PTPN11: variants seen among roughly 807,000 people sequenced by gnomAD.
PTPN11 encodes the protein protein tyrosine phosphatase non-receptor type 11.
Under a neutral mutation model 78.8 loss-of-function variants are expected in PTPN11, and 6 were observed. The ratio of observed to expected loss-of-function variants is 0.08; its 90% CI spans 0.04 to 0.15. The LOEUF (loss-of-function observed/expected upper bound fraction) is 0.15, where lower values mean the gene tolerates loss of function less well. PTPN11 is among the 10% of genes least tolerant of loss of function. The probability of loss-of-function intolerance (pLI) is 1.00; values close to 1 mark genes in which losing one functional copy is unlikely to be tolerated. For synonymous variants in PTPN11, 221 were observed against 263.5 expected (o/e 0.84, Z 1.56); for missense variants, 386 against 744.8 (o/e 0.52, Z 5.61).
chr12:112,472,720 C>T (rs192052742), intron 6 of PTPN11, among the ~76,000 whole-genome samples: 15 of 152,170 alleles, frequency 9.9e-5, no homozygotes, highest in Admixed American at 7.9e-4. Context: ...AGGCTGGTTT[C>T]GAACTCCTGC....
chr12:112,482,339 T>C lies in PTPN11; in HGVS notation c.1224+134T>C. On this transcript the variant is annotated intron_variant, in intron 10 of 15. Coordinates refer to ENST00000351677, the MANE Select transcript of PTPN11 (RefSeq NM_002834.5). The surrounding 1 kb of genome is among the most constrained non-coding windows in gnomAD (Gnocchi z 4.4). ...ATTGATTCAGTAGCCATTTATTAGCTTCCTTCTATGTGCCAGGTACAGTTT... is the reference window on the plus strand; with the variant it reads ...ATTGATTCAGTAGCCATTTATTAGCCTCCTTCTATGTGCCAGGTACAGTTT... 9.5e-7 allele frequency: 1 copy of C among 1,050,400 alleles called. No individual in the cohort carries two copies. The highest frequency in any genetic ancestry group is 1.4e-6 in the Non-Finnish European group (1 of 692,924). The allele number at this position is 1,050,400 out of a possible 1,614,324, so 65.1% of individuals were successfully genotyped here.
chr12:112,451,065 A>C (rs1189031139), intron 3 of PTPN11, among the ~76,000 whole-genome samples: 2 of 152,186 alleles, frequency 1.3e-5, no homozygotes, highest in Admixed American at 6.6e-5. Context: ...CTGTGTTGGA[A>C]CTAGGCTGAT....
intron 1 of PTPN11, among the ~76,000 whole-genome samples, chr12:112,426,328 C>T (rs1169387787): frequency 6.6e-6 from 1 of 152,116 alleles, no homozygotes; most frequent in Non-Finnish European, 1.5e-5. Context: ...ACCATCTTGC[C>T]TCACTGCAAC....
intron 1 of PTPN11, among the ~76,000 whole-genome samples, chr12:112,445,812 C>T (rs998807916): frequency 1.3e-5 from 2 of 151,476 alleles, no homozygotes; most frequent in Non-Finnish European, 2.9e-5. Context: ...CAGCTAATTT[C>T]GTATTTTTAG....
At chr12:112,427,640 G>A (rs1023551832) in intron 1 of PTPN11, among the ~76,000 whole-genome samples, 3 of 151,926 alleles carry the variant, frequency 2.0e-5, no homozygotes, top group Admixed American at 1.3e-4. Context: ...GATTGTCAGG[G>A]GCTGGCAGGT....
Position 112,506,946 on chromosome 12 carries a change from TTGATGATGA to T in PTPN11, c.*1193_*1201del, listed in dbSNP as rs80269561. ...ACAGTGTCCCTTCTACTTCCCTCTA[TTGATGATGA>T]TGATGATGATGATGATGATGATGAT... On this transcript the variant is annotated 3_prime_UTR_variant, in exon 16 of 16. Transcript: ENST00000351677. The T allele has an allele frequency of 0.052, 11,226 of 217,220 alleles. 1,539 individuals are homozygous for T. The East Asian group carries it at 0.58, about 11-fold the overall frequency. The allele number at this position is 217,220 out of a possible 1,614,324, so 13.5% of individuals were successfully genotyped here. A position where few individuals can be genotyped will look rare whatever the true frequency, so the allele number is the denominator to read the frequency against.
chr12:112,482,027 T>C lies in PTPN11; in HGVS notation c.1093-47T>C, dbSNP rs1472812160. ...TGTTTGTTGCTTGTTTAGGCTTTTA[T>C]TTCAGAGTTCACAGAATTAACTTTC... On this transcript the variant is annotated intron_variant, in intron 9 of 15. Transcript: ENST00000351677. This position sits in a 1 kb window ranked among gnomAD's most constrained non-coding sequence, Gnocchi z 4.4. The C allele has an allele frequency of 6.6e-7, 1 of 1,521,186 alleles. No homozygotes were observed. Among genetic ancestry groups the C allele is most frequent in the Non-Finnish European group, 9.1e-7 (1 of 1,097,786 alleles). 94.2% of individuals were successfully genotyped at this position (1,521,186 alleles called of 1,614,324 possible). A position where few individuals can be genotyped will look rare whatever the true frequency, so the allele number is the denominator to read the frequency against.
At chr12:112,494,396 A>G in intron 13 of PTPN11, among the ~76,000 whole-genome samples, 1 of 152,206 alleles carries the variant, frequency 6.6e-6, no homozygotes, top group East Asian at 1.9e-4. Flanking sequence ...TTGCAAGCCT[A>G]CTATAAGGAA....
At chr12:112,446,102 A>G (rs140881453) in intron 1 of PTPN11, among the ~76,000 whole-genome samples, 174 bp from the exon 2 acceptor site, 10 of 152,262 alleles carry the variant, frequency 6.6e-5, no homozygotes, top group African/African-American at 2.2e-4. Flanking sequence ...ACCAAGGGAA[A>G]GGCAGGGAGG....
intron 7 of PTPN11, among the ~76,000 whole-genome samples, chr12:112,477,030 C>G (rs1268578210): frequency 1.3e-5 from 2 of 151,936 alleles, no homozygotes; most frequent in Admixed American, 6.6e-5. Flanking sequence ...TCCCCCTCCC[C>G]TTTTCTTTTT....
At chr12:112,477,191 A>G (rs2038518140) in intron 7 of PTPN11, among the ~76,000 whole-genome samples, 1 of 151,920 alleles carries the variant, frequency 6.6e-6, no homozygotes, top group African/African-American at 2.4e-5. Context: ...TAATTTTTGT[A>G]TTTTTAATAG....
chr12:112,451,997 T>A (rs2038085082), intron 3 of PTPN11, among the ~76,000 whole-genome samples: 1 of 151,944 alleles, frequency 6.6e-6, no homozygotes, highest in South Asian at 2.1e-4. Context: ...TGCCTCAGCC[T>A]CCCGAGTAGC....
Position 112,472,927 on chromosome 12 carries a change from CTTTT to C in PTPN11, c.757-16_757-13del, listed in dbSNP as rs1362406801. On this transcript the variant is annotated splice_polypyrimidine_tract_variant and intron_variant, in intron 6 of 15. Transcript: ENST00000351677. ...ACTCTTTGACACGTAATAATATTGA[CTTTT>C]CTTTCTTTCCAGACACTACAACAAC... is the stretch of plus-strand genomic sequence containing the variant. The C allele has an allele frequency of 6.3e-7, 1 of 1,580,280 alleles. No homozygotes were observed. Among genetic ancestry groups the C allele is most frequent in the Admixed American group, 1.7e-5 (1 of 59,938 alleles).
At chr12:112,459,345 C>T (rs1213423845) in intron 6 of PTPN11, among the ~76,000 whole-genome samples, 1 of 151,780 alleles carries the variant, frequency 6.6e-6, no homozygotes. Context: ...ACCTGACACC[C>T]AGCATTAACA....
chr12:112,454,691 T>A lies in PTPN11; in HGVS notation c.642+11T>A. ...CTACAACTCAAGCAGGTGAGCAGAT[T>A]GGAAAGCTCAAGCTTTCTCCTTAAA... On this transcript the variant is annotated intron_variant, in intron 5 of 15. Transcript: ENST00000351677. The A allele has an allele frequency of 6.3e-7, 1 of 1,585,434 alleles. No homozygotes were observed. Among genetic ancestry groups the A allele is most frequent in the African/African-American group, 1.3e-5 (1 of 74,470 alleles).
chr12:112,431,366 G>A (rs1401489558), intron 1 of PTPN11, among the ~76,000 whole-genome samples: 1 of 152,152 alleles, frequency 6.6e-6, no homozygotes, highest in Non-Finnish European at 1.5e-5. Flanking sequence ...CTGCACTCCA[G>A]CCTGGGGGAC....
Position 112,497,049 on chromosome 12 carries a change from G to A in PTPN11, c.1600-5095G>A, listed in dbSNP as rs560324420. The stretch of plus-strand genomic sequence containing the variant: ...TAGCCAGGCGTAGTGGTGTGTGCCT[G>A]TAATCCCAGCTACTCAGGAGGCTGA... On this transcript the variant is annotated intron_variant, in intron 13 of 15. Coordinates refer to ENST00000351677, the MANE Select transcript of PTPN11 (RefSeq NM_002834.5). 3.3e-5 allele frequency among the ~76,000 whole-genome samples: 5 copies of A among 151,962 alleles called. No individual in the cohort carries two copies. The South Asian group carries it at 1.0e-3, about 32-fold the overall frequency.
chr12:112,474,169 T>G (rs1365217818), intron 7 of PTPN11, among the ~76,000 whole-genome samples: 1 of 151,964 alleles, frequency 6.6e-6, no homozygotes, highest in Non-Finnish European at 1.5e-5. Flanking sequence ...GCCAACATGG[T>G]GAAACCCCAT....
At chr12:112,495,536 C>T (rs2038803783) in intron 13 of PTPN11, among the ~76,000 whole-genome samples, 1 of 152,124 alleles carries the variant, frequency 6.6e-6, no homozygotes, top group Admixed American at 6.6e-5. Context: ...ATCAACATGG[C>T]CTGGTGATGT....
Sources: gnomAD v4.1 joint callset for allele counts (sites outside exome capture counted in the v4.1 genomes callset) on GRCh38, gnomAD v4.1.1 for gene constraint, Gnocchi (gnomAD v3.1) non-coding constraint, MANE v1.5 for transcripts, NCBI Gene and HGNC (gene_info 2026-07-23, HGNC 2026-07-21) for gene names.